NCOA1: variants seen among roughly 807,000 people sequenced by gnomAD.
The protein encoded by NCOA1 is Hin-2 protein.
In NCOA1, 35 loss-of-function variants were observed where a neutral mutation model predicts 150.9. The ratio of observed to expected loss-of-function variants is 0.23; its 90% confidence interval spans 0.18 to 0.31. NCOA1 has a LOEUF of 0.31. NCOA1 is among the 10% of genes least tolerant of loss of function. The pLI is 1.00. For missense variants in NCOA1, 1,491 were observed against 1,749.3 expected (o/e 0.85, Z 2.63); for synonymous variants, 590 against 630.0 (o/e 0.94, Z 0.95).
chr2:24,628,288 G>A (rs1314255078), intron 3 of NCOA1, among the ~76,000 whole-genome samples: 5 of 137,294 alleles, frequency 3.6e-5, no homozygotes, highest in African/African-American at 7.8e-5. Context: ...TGACAAAAGC[G>A]AAACTCCATC....
intron 1 of NCOA1, among the ~76,000 whole-genome samples, chr2:24,520,719 A>T (rs1664382617): frequency 6.6e-6 from 1 of 152,238 alleles, no homozygotes; most frequent in Non-Finnish European, 1.5e-5. Context: ...CAAAATTTAT[A>T]AAACTAAATT....
intron 4 of NCOA1, among the ~76,000 whole-genome samples, chr2:24,650,642 A>T (rs1435092255): frequency 6.6e-6 from 1 of 152,176 alleles, no homozygotes; most frequent in East Asian, 1.9e-4. Flanking sequence ...CCAGATAAAG[A>T]TCAGGCAAAG....
Position 24,692,642 on chromosome 2 carries a change from A to G in NCOA1, c.713-610A>G, listed in dbSNP as rs531083543. Among the ~76,000 whole-genome samples, 85 of 152,286 alleles carry G rather than the reference A, an allele frequency of 5.6e-4. 1 individual carries two copies. The highest frequency in any genetic ancestry group is 1.6e-3 in the African/African-American group (66 of 41,576). ...AAAAACACTGTGCCACTTATATCTA[A>G]CCAAAACTACTACTTGTAGTTGTTA... On this transcript the variant is annotated intron_variant, in intron 9 of 22. Transcript: ENST00000348332.
At chr2:24,527,796 G>A (rs1664711981) in intron 1 of NCOA1, among the ~76,000 whole-genome samples, 1 of 152,088 alleles carries the variant, frequency 6.6e-6, no homozygotes, top group African/African-American at 2.4e-5. Flanking sequence ...AATGTACAAA[G>A]GTTCCCTTTT....
chr2:24,704,824 T>C (rs1673335539), intron 11 of NCOA1, among the ~76,000 whole-genome samples: 1 of 152,024 alleles, frequency 6.6e-6, no homozygotes, highest in Admixed American at 6.5e-5. Flanking sequence ...TTTGGGGTTT[T>C]CTCATAATTA....
chr2:24,537,884 A>G (rs747314839), intron 1 of NCOA1, among the ~76,000 whole-genome samples: 15 of 152,316 alleles, frequency 9.8e-5, no homozygotes, highest in Non-Finnish European at 2.1e-4. Flanking sequence ...AAACTAACAT[A>G]GTGGAAATTC....
intron 1 of NCOA1, among the ~76,000 whole-genome samples, chr2:24,517,891 C>G (rs1026704321): frequency 1.3e-5 from 2 of 152,136 alleles, no homozygotes; most frequent in African/African-American, 2.4e-5. Context: ...GTAATAGCAT[C>G]AGAATTTTGG....
chr2:24,517,777 A>C (rs976246800), intron 1 of NCOA1, among the ~76,000 whole-genome samples: 1 of 152,156 alleles, frequency 6.6e-6, no homozygotes, highest in African/African-American at 2.4e-5. Flanking sequence ...AGGATGGTAG[A>C]GATAGTATGG....
At chr2:24,679,286 CACTTTGAAGTT>C (rs1672057999) in intron 7 of NCOA1, among the ~76,000 whole-genome samples, 1 of 152,178 alleles carries the variant, frequency 6.6e-6, no homozygotes, top group Non-Finnish European at 1.5e-5. Flanking sequence ...TCCAGGAGCA[CACTTTGAAGTT>C]AATTAGATAA....
At chr2:24,697,105 G>C (rs1030397445) in intron 10 of NCOA1, among the ~76,000 whole-genome samples, 19 of 152,004 alleles carry the variant, frequency 1.2e-4, no homozygotes, top group Admixed American at 4.6e-4. Context: ...TGTGCATACT[G>C]CCTAGCAAAT....
At chr2:24,758,214 A>G in intron 21 of NCOA1, 58 bp downstream of exon 21, 2 of 1,467,780 alleles carry the variant, frequency 1.4e-6, no homozygotes, top group Non-Finnish European at 1.8e-6. Flanking sequence ...TTCTGAGGAA[A>G]ATCAGGTATG....
At chr2:24,498,234 G>A (rs1043473808) in intron 1 of NCOA1, among the ~76,000 whole-genome samples, 2 of 152,154 alleles carry the variant, frequency 1.3e-5, no homozygotes, top group African/African-American at 4.8e-5. Flanking sequence ...GAATTTCTAA[G>A]TAGCTACTCA....
chr2:24,733,034 A>G (rs183661057), intron 17 of NCOA1, among the ~76,000 whole-genome samples: 9 of 152,306 alleles, frequency 5.9e-5, no homozygotes, highest in African/African-American at 1.9e-4. Context: ...ACTGACTGAG[A>G]ATACTCCTGG....
intron 2 of NCOA1, among the ~76,000 whole-genome samples, chr2:24,581,909 C>G (rs968865569): frequency 6.6e-6 from 1 of 152,172 alleles, no homozygotes; most frequent in African/African-American, 2.4e-5. Context: ...TTTAACATCC[C>G]TTCATGCTAA....
At chr2:24,743,053 C>A (rs547638635) in intron 19 of NCOA1, among the ~76,000 whole-genome samples, 4 of 152,206 alleles carry the variant, frequency 2.6e-5, no homozygotes, top group Middle Eastern at 3.4e-3. Context: ...TTTCTTATTT[C>A]TTTTCTGTCA....
At chr2:24,629,833 T>C (rs1482036531) in intron 3 of NCOA1, among the ~76,000 whole-genome samples, 31 of 140,638 alleles carry the variant, frequency 2.2e-4, no homozygotes, top group African/African-American at 7.4e-4. Flanking sequence ...TATATATATA[T>C]ATATATATAT....
chr2:24,708,696 C>T (rs1429605021), intron 13 of NCOA1, among the ~76,000 whole-genome samples: 2 of 152,120 alleles, frequency 1.3e-5, no homozygotes, highest in Non-Finnish European at 2.9e-5. Flanking sequence ...GCAGTTTATC[C>T]ACGAGACTCC....
At chr2:24,495,905 A>C (rs1663188515) in intron 1 of NCOA1, among the ~76,000 whole-genome samples, 1 of 152,256 alleles carries the variant, frequency 6.6e-6, no homozygotes, top group Non-Finnish European at 1.5e-5. Context: ...ATTGGCACAT[A>C]GACATTAATG....
At chr2:24,633,539 A>G (rs1252013435) in intron 3 of NCOA1, among the ~76,000 whole-genome samples, 2 of 152,240 alleles carry the variant, frequency 1.3e-5, no homozygotes, top group African/African-American at 4.8e-5. Flanking sequence ...GCTTGGCGTA[A>G]TGGATGAAAA....
Sources: allele counts gnomAD v4.1 joint callset (sites outside exome capture counted in the v4.1 genomes callset), GRCh38; gene constraint gnomAD v4.1.1; transcripts MANE v1.5; gene names NCBI Gene and HGNC (gene_info 2026-07-23, HGNC 2026-07-21).